The following CCDC178 variants were observed in gnomAD, a reference collection of about 807,000 sequenced individuals.
CCDC178 encodes the protein coiled-coil domain containing 178.
CCDC178 carries 126 observed loss-of-function variants against 117.4 expected under a neutral mutation model. That is an observed-to-expected ratio of 1.07 (90% CI 0.93 to 1.24). The LOEUF is 1.24. Ranked by LOEUF, CCDC178 falls within the 50% of genes most tolerant of loss-of-function variation. The probability of loss-of-function intolerance (pLI) is 0.00; values close to 1 mark genes in which losing one functional copy is unlikely to be tolerated. For missense variants in CCDC178, 1,030 were observed against 986.9 expected, an observed-to-expected ratio of 1.04 and a Z score of -0.59; for synonymous variants, 283 against 313.4, an observed-to-expected ratio of 0.90 and a Z score of 1.02.
chr18:33,267,581 G>T (rs886221440), intron 12 of CCDC178, among the ~76,000 whole-genome samples: 11 of 151,294 alleles, frequency 7.3e-5, no homozygotes, highest in African/African-American at 2.4e-4. Flanking sequence ...ATAATATAAA[G>T]AAACAATAGC....
At chr18:33,135,053 T>C (rs958595501) in intron 20 of CCDC178, among the ~76,000 whole-genome samples, 4 of 152,122 alleles carry the variant, frequency 2.6e-5, no homozygotes, top group African/African-American at 9.7e-5. Context: ...TTAAAATGCA[T>C]TTTTGTAAAT....
intron 21 of CCDC178, among the ~76,000 whole-genome samples, chr18:33,023,174 C>T (rs1457378942): frequency 6.6e-6 from 1 of 151,954 alleles, no homozygotes; most frequent in Non-Finnish European, 1.5e-5. Flanking sequence ...TGATAGGACA[C>T]CTAAACAGAA....
chr18:33,241,687 T>C (rs937075505), intron 15 of CCDC178, among the ~76,000 whole-genome samples: 4 of 151,312 alleles, frequency 2.6e-5, no homozygotes, highest in African/African-American at 4.9e-5. Context: ...TACAAGGAAA[T>C]CTATGAAACA....
At chr18:33,401,082 T>G (rs1457183083) in intron 3 of CCDC178, among the ~76,000 whole-genome samples, 1 of 152,126 alleles carries the variant, frequency 6.6e-6, no homozygotes. Flanking sequence ...GCAACATTGA[T>G]CGATTAAGTT....
At chr18:33,094,602 G>A (rs1458970595) in intron 20 of CCDC178, among the ~76,000 whole-genome samples, 1 of 151,794 alleles carries the variant, frequency 6.6e-6, no homozygotes, top group Non-Finnish European at 1.5e-5. Flanking sequence ...GAGTGATACA[G>A]AGTTCCGGGA....
chr18:33,067,771 G>T (rs1248916182), intron 21 of CCDC178, among the ~76,000 whole-genome samples: 1 of 152,112 alleles, frequency 6.6e-6, no homozygotes, highest in African/African-American at 2.4e-5. Context: ...GGCAGAGGTT[G>T]CAGAGAGCTG....
intron 3 of CCDC178, among the ~76,000 whole-genome samples, chr18:33,411,239 T>A (rs1568209647): frequency 6.6e-6 from 1 of 152,226 alleles, no homozygotes; most frequent in African/African-American, 2.4e-5. Context: ...GTTCTCAAAG[T>A]ATTCAAGGTT....
intron 20 of CCDC178, among the ~76,000 whole-genome samples, chr18:33,100,690 TA>T (rs1295687058): frequency 4.6e-5 from 7 of 151,968 alleles, no homozygotes; most frequent in Non-Finnish European, 1.0e-4. Context: ...TATTAATTAT[TA>T]AAAAACACCT....
At chr18:32,948,472 A>C (rs1167667061) in intron 22 of CCDC178, among the ~76,000 whole-genome samples, 5 of 152,080 alleles carry the variant, frequency 3.3e-5, no homozygotes, top group Non-Finnish European at 7.4e-5. Context: ...TTCAACATCC[A>C]ATCACTGTTA....
At chr18:33,187,961 C>T (rs1384010918) in intron 20 of CCDC178, among the ~76,000 whole-genome samples, 6 of 152,132 alleles carry the variant, frequency 3.9e-5, no homozygotes, top group Non-Finnish European at 5.9e-5. Flanking sequence ...ATACTCCCTT[C>T]ACCAAGGCTT....
At chr18:33,138,480 T>C (rs1346514049) in intron 20 of CCDC178, among the ~76,000 whole-genome samples, 1 of 152,120 alleles carries the variant, frequency 6.6e-6, no homozygotes, top group East Asian at 1.9e-4. Flanking sequence ...TAGCTCCTGC[T>C]TGGAGGACTG....
At chr18:33,073,325 C>T (rs190615) in intron 21 of CCDC178, among the ~76,000 whole-genome samples, 21,615 of 151,800 alleles carry the variant, frequency 0.14, 2,390 homozygotes, top group African/African-American at 0.31. Flanking sequence ...CATGATTATA[C>T]GATGTGAAAA....
At chr18:33,301,289 G>C (rs1230119090) in intron 11 of CCDC178, among the ~76,000 whole-genome samples, 1 of 152,232 alleles carries the variant, frequency 6.6e-6, no homozygotes, top group African/African-American at 2.4e-5. Context: ...GCATTTCAGA[G>C]GATGTAGGAG....
chr18:33,125,842 A>C (rs1174337336), intron 20 of CCDC178, among the ~76,000 whole-genome samples: 2 of 152,152 alleles, frequency 1.3e-5, no homozygotes, highest in African/African-American at 4.8e-5. Flanking sequence ...GCTGAAATGC[A>C]GAAAGAAGCT....
chr18:33,406,992 A>G (rs2063790181), intron 3 of CCDC178, among the ~76,000 whole-genome samples: 1 of 152,192 alleles, frequency 6.6e-6, no homozygotes, highest in Non-Finnish European at 1.5e-5. Context: ...GAAAAACATC[A>G]TGTTAACTAT....
At chr18:33,181,133 TG>T (rs113607862) in intron 20 of CCDC178, among the ~76,000 whole-genome samples, 24,466 of 151,926 alleles carry the variant, frequency 0.16, 2,743 homozygotes, top group African/African-American at 0.32. Context: ...TGATTTTTGT[TG>T]CATTTCACAA....
intron 12 of CCDC178, among the ~76,000 whole-genome samples, chr18:33,285,888 T>C (rs1387886961): frequency 6.6e-6 from 1 of 152,034 alleles, no homozygotes; most frequent in South Asian, 2.1e-4. Flanking sequence ...ATTTCACAGA[T>C]GTCATTTAAT....
chr18:33,081,302 T>C (rs1361220370), intron 21 of CCDC178, among the ~76,000 whole-genome samples: 1 of 152,218 alleles, frequency 6.6e-6, no homozygotes, highest in Non-Finnish European at 1.5e-5. Context: ...TTATTTTCTT[T>C]TTAGCTTTCT....
intron 3 of CCDC178, among the ~76,000 whole-genome samples, chr18:33,404,569 A>T (rs1407314234): frequency 6.6e-6 from 1 of 152,134 alleles, no homozygotes; most frequent in African/African-American, 2.4e-5. Context: ...AAAGTTAAAC[A>T]CTGAAATTAC....
Sources: allele counts gnomAD v4.1 joint callset (sites outside exome capture counted in the v4.1 genomes callset), GRCh38; gene constraint gnomAD v4.1.1; transcripts MANE v1.5; gene names NCBI Gene and HGNC (gene_info 2026-07-23, HGNC 2026-07-21).